The following RIOK3 variants were observed in gnomAD, a reference collection of about 807,000 sequenced individuals.
RIOK3 encodes serine/threonine-protein kinase RIO3.
In RIOK3, 40 loss-of-function variants were observed where a neutral mutation model predicts 63.5. The observed-to-expected ratio is 0.63, with a 90% CI of 0.49 to 0.82. The LOEUF (loss-of-function observed/expected upper bound fraction) is 0.82, where lower values mean the gene tolerates loss of function less well. Ranked by LOEUF, RIOK3 falls within the 40% of genes least tolerant of loss-of-function variation. The pLI, the probability that RIOK3 is intolerant of heterozygous loss-of-function variation, is 0.00. For synonymous variants in RIOK3, 193 were observed against 205.0 expected, an observed-to-expected ratio of 0.94 and a Z score of 0.50; for missense variants, 557 against 637.0, an observed-to-expected ratio of 0.87 and a Z score of 1.35.
At chr18:23,472,705 C>T (rs2057464022) in intron 7 of RIOK3, among the ~76,000 whole-genome samples, 1 of 152,222 alleles carries the variant, frequency 6.6e-6, no homozygotes, top group South Asian at 2.1e-4. Flanking sequence ...TCCCCACCAC[C>T]TCTAGGAATT....
intron 8 of RIOK3, among the ~76,000 whole-genome samples, chr18:23,474,277 C>T (rs898607166): frequency 1.5e-4 from 23 of 151,998 alleles, no homozygotes; most frequent in Non-Finnish European, 3.1e-4. Flanking sequence ...CGTGTACTCC[C>T]AGCTACTTGG....
chr18:23,481,226 G>C lies in RIOK3; in HGVS notation c.1507G>C (p.Ala503Pro), dbSNP rs562961852. ...TCACGTTCAGAAGAATGGAAGGAAA[G>C]CTGCTTCATTTTTGAAAGATGATGG... ...EDHVQKNGRK[A>P]ASFLKDDGDP... Residue 503 changes from alanine to proline, a missense_variant, in exon 13 of 13, where the codon GCT (alanine) becomes CCT (proline). Around this residue, in one of 3 missense-constraint regions of RIOK3, gnomAD observed 309 missense variants for 338.7 expected, o/e 0.91. Transcript: ENST00000339486. 9 of 1,612,246 alleles carry C rather than the reference G, an allele frequency of 5.6e-6. No individual in the cohort carries two copies. The highest frequency in any genetic ancestry group is 7.6e-6 in the Non-Finnish European group (9 of 1,179,340).
Position 23,464,043 on chromosome 18 carries a change from A to G in RIOK3, c.256A>G (p.Met86Val). 1.2e-6 allele frequency: 2 copies of G among 1,613,548 alleles called. No homozygotes were observed. Among genetic ancestry groups the G allele is most frequent in the East Asian group, 2.2e-5 (1 of 44,878 alleles). Reference sequence around the variant, plus strand: ...CCTTATGCTGGCTCAGATGCTACAGATGGAATATGACAGAGAATATGATGC... The same window carrying G: ...CCTTATGCTGGCTCAGATGCTACAGGTGGAATATGACAGAGAATATGATGC... ...SDLMLAQMLQ[M>V]EYDREYDAQL... The change falls in exon 3 of 13, where the codon ATG becomes GTG. Residue 86 changes from methionine to valine, a missense_variant. By Grantham distance (21) the Met-to-Val change is conservative. This residue lies in a region of RIOK3 where 243 missense variants were observed against 275.4 expected (regional missense o/e 0.88). Transcript: ENST00000339486.
At chr18:23,478,314 A>G (rs1426791131) in intron 11 of RIOK3, among the ~76,000 whole-genome samples, 1 of 151,936 alleles carries the variant, frequency 6.6e-6, no homozygotes, top group Non-Finnish European at 1.5e-5. Context: ...CACGCTTACA[A>G]TCTCACACTT....
rs1278994299 is a variant in RIOK3 at position 23,464,023 on chromosome 18, TGCTG to T, written c.240_243del (p.Ala81ArgfsTer88). Reference sequence around the variant, plus strand: ...AACATTGATACTTCCAGTGACCTTATGCTGGCTCAGATGCTACAGATGGAATATG... The same window carrying T: ...AACATTGATACTTCCAGTGACCTTATGCTCAGATGCTACAGATGGAATATG... On this transcript the variant is annotated frameshift_variant, in exon 3 of 13. Coordinates refer to ENST00000339486, the MANE Select transcript of RIOK3 (RefSeq NM_003831.5). LOFTEE classifies it high-confidence loss of function. The T allele has an allele frequency of 1.2e-6, 2 of 1,613,454 alleles. No individual in the cohort carries two copies. The highest frequency in any genetic ancestry group is 2.2e-5 in the South Asian group (2 of 90,988).
At chr18:23,459,990 G>A (rs553772266) in intron 1 of RIOK3, among the ~76,000 whole-genome samples, 3 of 152,328 alleles carry the variant, frequency 2.0e-5, no homozygotes, top group South Asian at 2.1e-4. Flanking sequence ...CACTGCACAC[G>A]GCCTGAGTAT....
intron 1 of RIOK3, among the ~76,000 whole-genome samples, chr18:23,460,729 A>C (rs926975031): frequency 1.3e-5 from 2 of 152,238 alleles, no homozygotes; most frequent in Non-Finnish European, 2.9e-5. Flanking sequence ...GCTAAACAGC[A>C]TTGTATCTTC....
chr18:23,462,113 T>TA (rs78192891), intron 1 of RIOK3, among the ~76,000 whole-genome samples: 26,821 of 135,568 alleles, frequency 0.2, 2,993 homozygotes, highest in East Asian at 0.38. Context: ...AAATAAAATT[T>TA]AAAAAAAAAT....
At position 23,464,282 on chromosome 18, in the gene RIOK3, G is replaced by A. The variant is rs755008444; in HGVS notation, c.402G>A (p.Trp134Ter). ...DSDSSEDEVD[W>*]QDTRDDPYRP... ...ATAGCTCTGAAGATGAGGTTGACTG[G>A]CAGGATACTCGTGATGATCCCTACA... The change falls in exon 4 of 13, where the codon TGG (tryptophan) becomes TGA (stop). Residue 134 changes from tryptophan (W) to a stop codon, truncating the protein, a stop_gained. Coordinates refer to ENST00000339486, the MANE Select transcript of RIOK3 (RefSeq NM_003831.5). LOFTEE classifies it high-confidence loss of function. The A allele has an allele frequency of 6.2e-7, 1 of 1,614,066 alleles. No homozygotes were observed. The highest frequency in any genetic ancestry group is 8.5e-7 in the Non-Finnish European group (1 of 1,179,930).
intron 6 of RIOK3, 81 bp downstream of exon 6, chr18:23,466,357 T>TC: frequency 1.8e-6 from 2 of 1,129,008 alleles, no homozygotes; most frequent in South Asian, 3.6e-5. Flanking sequence ...AAAAAAAACT[T>TC]CATGTTTGAT....
Position 23,453,443 on chromosome 18 carries a change from G to A in RIOK3, c.4G>A (p.Asp2Asn). The A allele has an allele frequency of 1.2e-6, 2 of 1,613,564 alleles. No individual in the cohort carries two copies. Among genetic ancestry groups the A allele is most frequent in the Non-Finnish European group, 1.7e-6 (2 of 1,179,638 alleles). Residue 2 changes from aspartate (D) to asparagine (N), a missense_variant, in exon 1 of 13, where the codon GAT (aspartate) becomes AAT (asparagine). Asp to Asn is a conservative substitution (Grantham distance 23). Coordinates refer to ENST00000339486, the MANE Select transcript of RIOK3 (RefSeq NM_003831.5). ...TTGTCTCTGCCTTCATTCCCGAATG[G>A]ATCTGGTAGGAGTGGCATCGCCTGA... M[D>N]LVGVASPEPG...
intron 7 of RIOK3, among the ~76,000 whole-genome samples, chr18:23,467,911 G>T (rs2057420831): frequency 6.6e-6 from 1 of 152,132 alleles, no homozygotes; most frequent in South Asian, 2.1e-4. Context: ...CAGAGTAGCT[G>T]GGATTACAGG....
At chr18:23,471,811 G>A (rs777888325) in intron 7 of RIOK3, among the ~76,000 whole-genome samples, 3 of 152,098 alleles carry the variant, frequency 2.0e-5, no homozygotes, top group Non-Finnish European at 4.4e-5. Context: ...GGTAGGGTGA[G>A]GACTCAGCAT....
intron 8 of RIOK3, 89 bp from the exon 9 acceptor site, chr18:23,474,859 T>C (rs2057478665): frequency 1.0e-6 from 1 of 970,234 alleles, no homozygotes; most frequent in African/African-American, 1.6e-5. Flanking sequence ...TGCCAGCTCA[T>C]TGCAGGCCCT....
At chr18:23,462,352 G>T (rs1290995852) in intron 1 of RIOK3, among the ~76,000 whole-genome samples, 1 of 152,030 alleles carries the variant, frequency 6.6e-6, no homozygotes, top group East Asian at 1.9e-4. Flanking sequence ...TGTTGGCCAG[G>T]CTGGTCTCAA....
Position 23,467,463 on chromosome 18 carries a change from A to C in RIOK3, c.752A>C (p.Glu251Ala). Reference protein sequence around the residue: ...MYKMVNSGMLETITGCISTGK... With the variant: ...MYKMVNSGMLATITGCISTGK... ...AAAATGGTCAACTCTGGAATGTTGG[A>C]GACAATCACTGGCTGTATTAGTACA... The change falls in exon 7 of 13, where the codon GAG (glutamate) becomes GCG (alanine). Residue 251 changes from glutamate to alanine, a missense_variant. Physicochemically the swap from Glu to Ala is moderately radical, Grantham distance 107 (BLOSUM62 -1). Around this residue, in one of 3 missense-constraint regions of RIOK3, gnomAD observed 309 missense variants for 338.7 expected, o/e 0.91. Transcript: ENST00000339486. 6.2e-7 allele frequency: 1 copy of C among 1,613,588 alleles called. No homozygotes were observed. The highest frequency in any genetic ancestry group is 8.5e-7 in the Non-Finnish European group (1 of 1,179,556).
In RIOK3 at chr18:23,463,042, C is replaced by A. The variant is rs2057381960; in HGVS notation, c.142C>A (p.Gln48Lys). The change falls in exon 2 of 13, where the codon CAG (glutamine) becomes AAG (lysine). Residue 48 changes from glutamine to lysine, a missense_variant. Physicochemically the swap from Gln to Lys is moderately conservative, Grantham distance 53. Around this residue, in one of 3 missense-constraint regions of RIOK3, gnomAD observed 243 missense variants for 275.4 expected, o/e 0.88. Transcript: ENST00000339486. Reference protein sequence around the residue: ...VMSEQLAKELQLEEEAAVFPE... With the variant: ...VMSEQLAKELKLEEEAAVFPE... ...GAGTGAACAGCTGGCCAAAGAATTG[C>A]AGTTAGAAGAAGAAGCTGCCGTTTT... 2 of 1,608,992 alleles carry A rather than the reference C, an allele frequency of 1.2e-6. No homozygotes were observed. Among genetic ancestry groups the A allele is most frequent in the South Asian group, 1.1e-5 (1 of 89,910 alleles).
Position 23,463,068 on chromosome 18 carries a change from T to C in RIOK3, c.168T>C (p.Phe56=). ...AGTTAGAAGAAGAAGCTGCCGTTTT[T>C]CCTGAAGTTGCGTAAGTAAAATTCA... ...ELQLEEEAAV[F]PEVAVAEGPF... Residue 56 remains phenylalanine, a synonymous_variant, in exon 2 of 13, where the codon TTT becomes TTC. Transcript: ENST00000339486. 6.2e-7 allele frequency: 1 copy of C among 1,606,258 alleles called. No individual in the cohort carries two copies. Among genetic ancestry groups the C allele is most frequent in the Non-Finnish European group, 8.5e-7 (1 of 1,176,150 alleles).
chr18:23,478,657 ATG>A (rs1230206785), intron 11 of RIOK3, among the ~76,000 whole-genome samples: 3 of 78,474 alleles, frequency 3.8e-5, no homozygotes, highest in African/African-American at 1.4e-4. Flanking sequence ...ATATATATAT[ATG>A]GTAAAATTTA....
Sources: gnomAD v4.1 joint callset for allele counts (sites outside exome capture counted in the v4.1 genomes callset) on GRCh38, gnomAD v4.1.1 for gene constraint, gnomAD v4.1.1 regional missense constraint, MANE v1.5 for transcripts, NCBI Gene and HGNC (gene_info 2026-07-23, HGNC 2026-07-21) for gene names.